Variants in JPH3 observed in about 807,000 individuals in gnomAD.
JPH3 encodes the protein junctophilin 3, also known as junctophilin-3.
Under a neutral mutation model 59.6 loss-of-function variants are expected in JPH3, and 11 were observed. The observed-to-expected ratio is 0.18, with a 90% CI of 0.12 to 0.31. The LOEUF is 0.31. Among genes scored for constraint, JPH3 ranks in the 10% least tolerant of loss-of-function variants. JPH3 has a pLI of 1.00. For synonymous variants in JPH3, 673 were observed against 483.6 expected (o/e 1.39, Z -5.14); for missense variants, 1,202 against 1,105.7 (o/e 1.09, Z -1.24).
At chr16:87,686,754 G>T (rs937490664) in intron 3 of JPH3, among the ~76,000 whole-genome samples, 1 of 152,208 alleles carries the variant, frequency 6.6e-6, no homozygotes, top group Non-Finnish European at 1.5e-5. Flanking sequence ...GTCCCTGCAG[G>T]AGGGGCCTTG....
At chr16:87,648,933 C>T (rs983322732) in intron 2 of JPH3, among the ~76,000 whole-genome samples, 1 of 152,234 alleles carries the variant, frequency 6.6e-6, no homozygotes, top group Non-Finnish European at 1.5e-5. Flanking sequence ...GCCTGAGCGT[C>T]CCCGGCTGTC....
In JPH3 at chr16:87,684,190, G is replaced by A; in HGVS notation, c.1209G>A (p.Gln403=). The change falls in exon 3 of 5, where the codon CAG becomes CAA. Residue 403 remains glutamine, a synonymous_variant. Coordinates refer to ENST00000284262, the MANE Select transcript of JPH3 (RefSeq NM_020655.4). ...CCGAGGCAGCCCTCACAGCAGCTCA[G>A]AAAGCCCAGGAGGAGGCGCGGATCG... is the stretch of plus-strand genomic sequence containing the variant. ...AKAEAALTAA[Q]KAQEEARIAR... 6 of 1,613,926 alleles carry A rather than the reference G, an allele frequency of 3.7e-6. No individual in the cohort carries two copies. The highest frequency in any genetic ancestry group is 1.6e-4 in the Middle Eastern group (1 of 6,062).
intron 4 of JPH3, chr16:87,693,529 G>C (rs991594411): frequency 6.6e-6 from 1 of 152,238 alleles, no homozygotes; most frequent in Non-Finnish European, 1.5e-5. Context: ...ACAAAAATTA[G>C]CCGGGCATGG....
chr16:87,691,500 G>C (rs1056900806), intron 4 of JPH3, among the ~76,000 whole-genome samples: 1 of 152,134 alleles, frequency 6.6e-6, no homozygotes, highest in Non-Finnish European at 1.5e-5. Flanking sequence ...CGTGTGGGCC[G>C]GGCAGGGGGG....
intron 1 of JPH3, among the ~76,000 whole-genome samples, chr16:87,640,198 G>C (rs570371729): frequency 6.6e-6 from 1 of 151,926 alleles, no homozygotes; most frequent in South Asian, 2.1e-4. Context: ...GTGTGGTGGT[G>C]CATGCCTGTA....
intron 2 of JPH3, chr16:87,654,941 G>A (rs1406762817): frequency 6.6e-6 from 1 of 152,236 alleles, no homozygotes; most frequent in East Asian, 1.9e-4. Flanking sequence ...AATCCCTGCC[G>A]GAGTGCGGCT....
rs781413111 is a variant in JPH3, at chr16:87,690,209, C to G, written c.1849C>G (p.Pro617Ala). The G allele has an allele frequency of 6.2e-7, 1 of 1,603,378 alleles. No individual in the cohort carries two copies. The highest frequency in any genetic ancestry group is 2.3e-5 in the East Asian group (1 of 44,236). ...GAGCAACTACCGGATGGAGATGAAA[C>G]CCTTGCTGAGGATGGAGACGCATCC... ...KLSNYRMEMK[P>A]LLRMETHPQK... Residue 617 changes from proline (P) to alanine (A), a missense_variant, in exon 4 of 5, where the codon CCC (proline) becomes GCC (alanine). Pro to Ala is a conservative substitution (Grantham distance 27). Transcript: ENST00000284262.
At chr16:87,625,843 G>A (rs182964923) in intron 1 of JPH3, among the ~76,000 whole-genome samples, 66 of 152,122 alleles carry the variant, frequency 4.3e-4, no homozygotes, top group Non-Finnish European at 7.5e-4. Context: ...TGTAGACAGC[G>A]CAAAGTTCCT....
intron 2 of JPH3, among the ~76,000 whole-genome samples, chr16:87,673,314 A>G (rs2033064524): frequency 1.0e-5 from 1 of 98,926 alleles, no homozygotes; most frequent in South Asian, 3.5e-4. Context: ...CTTGGGAGAG[A>G]TTTAAAAAAA....
At chr16:87,613,008 A>C (rs1351260711) in intron 1 of JPH3, among the ~76,000 whole-genome samples, 1 of 151,792 alleles carries the variant, frequency 6.6e-6, no homozygotes, top group Non-Finnish European at 1.5e-5. Flanking sequence ...CCTGGGTGAA[A>C]GAGTGAGACT....
intron 2 of JPH3, among the ~76,000 whole-genome samples, chr16:87,658,620 G>A (rs570151950): frequency 8.5e-5 from 13 of 152,258 alleles, no homozygotes; most frequent in Admixed American, 3.9e-4. Flanking sequence ...GCATGATGTC[G>A]TGGAGGGCAG....
chr16:87,640,904 A>G (rs1000700067), intron 1 of JPH3, among the ~76,000 whole-genome samples: 1 of 152,166 alleles, frequency 6.6e-6, no homozygotes, highest in Non-Finnish European at 1.5e-5. Context: ...TGGACTGGCC[A>G]TGGGAAGGCC....
At chr16:87,658,161 T>G (rs1048063313) in intron 2 of JPH3, among the ~76,000 whole-genome samples, 1 of 152,128 alleles carries the variant, frequency 6.6e-6, no homozygotes, top group Non-Finnish European at 1.5e-5. Flanking sequence ...GCAGGGCAGG[T>G]ATTCAGCAAA....
chr16:87,658,090 G>T (rs185845586), intron 2 of JPH3, among the ~76,000 whole-genome samples: 3 of 152,322 alleles, frequency 2.0e-5, no homozygotes, highest in African/African-American at 7.2e-5. Context: ...GGCACCATGC[G>T]GCCCACGCTT....
At chr16:87,650,417 G>C (rs542621307) in intron 2 of JPH3, among the ~76,000 whole-genome samples, 1 of 152,264 alleles carries the variant, frequency 6.6e-6, no homozygotes, top group Admixed American at 6.5e-5. Flanking sequence ...AGACACAACA[G>C]TATTAAAATT....
At chr16:87,681,709 G>A (rs909175702) in intron 2 of JPH3, among the ~76,000 whole-genome samples, 2 of 152,064 alleles carry the variant, frequency 1.3e-5, no homozygotes, top group Admixed American at 1.3e-4. Context: ...TGATTGTTCC[G>A]GAAGGTCAAG....
intron 2 of JPH3, among the ~76,000 whole-genome samples, chr16:87,660,006 TG>T (rs1298597967): frequency 6.6e-6 from 1 of 152,144 alleles, no homozygotes; most frequent in African/African-American, 2.4e-5. Flanking sequence ...TTCCTTTCCT[TG>T]TCCCTGTCAC....
chr16:87,620,567 G>A (rs2031148591), intron 1 of JPH3, among the ~76,000 whole-genome samples: 1 of 149,398 alleles, frequency 6.7e-6, no homozygotes, highest in African/African-American at 2.5e-5. Flanking sequence ...GAGGGGGAAC[G>A]TCAGTCCTGC....
intron 2 of JPH3, among the ~76,000 whole-genome samples, chr16:87,649,418 G>C (rs942590340): frequency 2.0e-5 from 3 of 152,222 alleles, no homozygotes; most frequent in African/African-American, 7.2e-5. Context: ...CGCTGTCCCC[G>C]GGTGGACATA....
Sources: allele counts gnomAD v4.1 joint callset (sites outside exome capture counted in the v4.1 genomes callset), GRCh38; gene constraint gnomAD v4.1.1; transcripts MANE v1.5; gene names NCBI Gene and HGNC (gene_info 2026-07-23, HGNC 2026-07-21).